The following C13orf42 variants were observed in gnomAD, a reference collection of about 807,000 sequenced individuals.
C13orf42 encodes uncharacterized protein C13orf42.
At chr13:51,165,925 G>A (rs911042085) in intron 1 of C13orf42, among the ~76,000 whole-genome samples, 1 of 152,132 alleles carries the variant, frequency 6.6e-6, no homozygotes, top group Admixed American at 6.5e-5. Context: ...AATAATGACA[G>A]CCACCATTAA....
At chr13:51,089,912 G>A (rs2137977845) in intron 1 of C13orf42, among the ~76,000 whole-genome samples, 1 of 152,060 alleles carries the variant, frequency 6.6e-6, no homozygotes, top group Non-Finnish European at 1.5e-5. Context: ...CAGATGGAGA[G>A]GTGACCAATG....
At chr13:51,121,162 A>G (rs1012489403) in intron 1 of C13orf42, among the ~76,000 whole-genome samples, 1 of 152,204 alleles carries the variant, frequency 6.6e-6, no homozygotes, top group South Asian at 2.1e-4. Flanking sequence ...TCCTGCACTC[A>G]GAAGGGCGCG....
chr13:51,105,233 T>G (rs1397740787), intron 1 of C13orf42, among the ~76,000 whole-genome samples: 2 of 152,164 alleles, frequency 1.3e-5, no homozygotes. Context: ...AGTCTCTCAC[T>G]AAGATGCAGT....
intron 1 of C13orf42, among the ~76,000 whole-genome samples, chr13:51,141,699 G>A (rs1001242108): frequency 2.0e-5 from 3 of 152,020 alleles, no homozygotes; most frequent in African/African-American, 4.8e-5. Context: ...TTGGGAGGCT[G>A]AGGCAGGAGA....
In C13orf42 at chr13:51,083,808, G is replaced by C. The variant is rs1469353480; in HGVS notation, c.*343C>G. On this transcript the variant is annotated 3_prime_UTR_variant, in exon 4 of 4. Transcript: ENST00000563710. ...CACATTGCTAGCAGCCACCTGGACA[G>C]ACACGTGGAGAATGAGGACCAGGCC... 5.4e-6 allele frequency: 1 copy of C among 184,522 alleles called. No homozygotes were observed. Among genetic ancestry groups the C allele is most frequent in the Non-Finnish European group, 1.1e-5 (1 of 89,778 alleles). 11.4% of individuals were successfully genotyped at this position (184,522 alleles called of 1,614,324 possible).
rs76087849 is a variant in C13orf42, at chr13:51,135,585, C to T, written n.137-22363G>A. Among the ~76,000 whole-genome samples the T allele has an allele frequency of 3.0e-3, 456 of 151,120 alleles. 1 individual carries two copies. Among genetic ancestry groups the T allele is most frequent in the Non-Finnish European group, 4.1e-3 (276 of 67,798 alleles). On this transcript the variant is annotated intron_variant and non_coding_transcript_variant, in intron 1 of 4. Transcript: ENST00000433280. ...AGAAGATTGCTTGAGCCCAGGAATC[C>T]GAGGCTGCAATGAGCTATGATCACA...
At chr13:51,094,747 T>C (rs1183554434) in intron 1 of C13orf42, among the ~76,000 whole-genome samples, 1 of 152,202 alleles carries the variant, frequency 6.6e-6, no homozygotes, top group Non-Finnish European at 1.5e-5. Context: ...TTCCACTGAG[T>C]ATAGAACTCT....
At chr13:51,167,429 A>C (rs1953911897) in intron 1 of C13orf42, among the ~76,000 whole-genome samples, 1 of 152,222 alleles carries the variant, frequency 6.6e-6, no homozygotes, top group South Asian at 2.1e-4. Flanking sequence ...CTGTTTAGAT[A>C]TTTGTCTAAC....
rs1953317267 is a variant in C13orf42, at chr13:51,103,681, A to T, written c.414+7115T>A. Among the ~76,000 whole-genome samples the T allele has an allele frequency of 3.4e-5, 5 of 148,158 alleles. No homozygotes were observed. The South Asian group carries it at 1.1e-3, about 31-fold the overall frequency. On this transcript the variant is annotated intron_variant, in intron 1 of 3. Coordinates refer to ENST00000563710, the MANE Select transcript of C13orf42 (RefSeq NM_001351589.3). ...GCGCCACTGCATACCAGCGCGGGCC[A>T]CAGTGCAAGACTCTGTCTCAAAAAA...
At chr13:51,113,455 G>T (rs1269977550), upstream of C13orf42, among the ~76,000 whole-genome samples, 1 of 152,192 alleles carries the variant, frequency 6.6e-6, no homozygotes. Flanking sequence ...GCTGGTGGAG[G>T]AAATTCATCC....
intron 1 of C13orf42, among the ~76,000 whole-genome samples, chr13:51,148,309 A>G (rs529625852): frequency 2.6e-5 from 4 of 152,226 alleles, no homozygotes; most frequent in African/African-American, 9.6e-5. Flanking sequence ...TGTGCCAGGC[A>G]CTGCAGCAGG....
chr13:51,171,775 G>A (rs1310673423), intron 1 of C13orf42, among the ~76,000 whole-genome samples: 15 of 152,064 alleles, frequency 9.9e-5, no homozygotes, highest in Non-Finnish European at 2.2e-4. Flanking sequence ...ATAGCGTTTA[G>A]GCTCTTTTTC....
intron 1 of C13orf42, among the ~76,000 whole-genome samples, chr13:51,159,680 G>A (rs1267145600): frequency 6.6e-6 from 1 of 152,168 alleles, no homozygotes; most frequent in South Asian, 2.1e-4. Flanking sequence ...CGAAGGACAT[G>A]GAGTCTCACT....
rs1953202206 is a variant in C13orf42, at chr13:51,093,630, T to C, written c.415-5555A>G. On this transcript the variant is annotated intron_variant, in intron 1 of 3. Transcript: ENST00000563710. ...CACACCAGGAGGCACACAGTGCATA[T>C]TTTCCTGTTTCGTGCGATGTTGACA... Among the ~76,000 whole-genome samples, 3 of 152,304 alleles carry C rather than the reference T, an allele frequency of 2.0e-5. 1 individual carries two copies. In the South Asian group the frequency reaches 6.2e-4, roughly 32 times the overall value.
upstream of C13orf42, chr13:51,111,337 G>C (rs1426467438): frequency 2.5e-6 from 1 of 397,086 alleles, no homozygotes; most frequent in Non-Finnish European, 4.4e-6. Context: ...CTGATCTCTA[G>C]GATCCCAGGG....
chr13:51,137,945 GTC>G, intron 1 of C13orf42, among the ~76,000 whole-genome samples: 1 of 152,256 alleles, frequency 6.6e-6, no homozygotes, highest in East Asian at 1.9e-4. Context: ...TCAGATTACT[GTC>G]TACCATTCTT....
At chr13:51,152,872 C>T (rs1953790478) in intron 1 of C13orf42, among the ~76,000 whole-genome samples, 1 of 152,110 alleles carries the variant, frequency 6.6e-6, no homozygotes. Context: ...CTTTGCTATG[C>T]TCGAGCCACA....
chr13:51,085,462 A>C lies in C13orf42; in HGVS notation c.660T>G (p.Thr220=). 1 of 398,598 alleles carries C rather than the reference A, an allele frequency of 2.5e-6. No individual in the cohort carries two copies. The highest frequency in any genetic ancestry group is 4.4e-6 in the Non-Finnish European group (1 of 226,062). The allele number at this position is 398,598 out of a possible 1,614,324, so 24.7% of individuals were successfully genotyped here. ...SEDIAAHTVH[T]VDGQFRRSTE... The stretch of plus-strand genomic sequence containing the variant: ...TGCTCCTTCGAAACTGGCCGTCTAC[A>C]GTATGCACAGTGTGGGCAGCGATAT... The change falls in exon 3 of 4, where the codon ACT becomes ACG. Residue 220 remains threonine (T), a synonymous_variant. Transcript: ENST00000563710.
chr13:51,139,927 C>T (rs1258640919), intron 1 of C13orf42, among the ~76,000 whole-genome samples: 1 of 152,120 alleles, frequency 6.6e-6, no homozygotes, highest in Non-Finnish European at 1.5e-5. Context: ...ACCTTGATTT[C>T]TTTGTTGTGT....
Sources: allele counts gnomAD v4.1 joint callset (sites outside exome capture counted in the v4.1 genomes callset), GRCh38; gene constraint gnomAD v4.1.1; transcripts MANE v1.5; gene names NCBI Gene and HGNC (gene_info 2026-07-23, HGNC 2026-07-21).